The following SPOCK3 variants were observed in gnomAD, a reference collection of about 807,000 sequenced individuals.
SPOCK3 encodes the protein testican-3.
In SPOCK3, 30 loss-of-function variants were observed where a neutral mutation model predicts 56.6. The ratio of observed to expected loss-of-function variants is 0.53; its 90% CI spans 0.40 to 0.72. The LOEUF is 0.72. Ranked by LOEUF, SPOCK3 falls within the 30% of genes least tolerant of loss-of-function variation. The probability of loss-of-function intolerance (pLI) is 0.00; values close to 1 mark genes in which losing one functional copy is unlikely to be tolerated. For synonymous variants in SPOCK3, 196 were observed against 183.3 expected (o/e 1.07, Z -0.56); for missense variants, 527 against 530.0 (o/e 0.99, Z 0.06).
In SPOCK3 at chr4:166,826,152, C is replaced by T. The variant is rs191976608; in HGVS notation, c.590-33863G>A. Among the ~76,000 whole-genome samples the T allele has an allele frequency of 1.1e-4, 16 of 152,108 alleles. No homozygotes were observed. The East Asian group carries it at 3.1e-3, about 30-fold the overall frequency. ...ATATTTCAAATAAACAAAAGCAGAA[C>T]AGAGATTGTAAACATTTTTTAAAAA... On this transcript the variant is annotated intron_variant, in intron 6 of 10. Coordinates refer to ENST00000357545, the MANE Select transcript of SPOCK3 (RefSeq NM_001040159.2).
intron 8 of SPOCK3, among the ~76,000 whole-genome samples, chr4:166,746,659 A>C (rs1399855927): frequency 1.3e-5 from 2 of 152,206 alleles, no homozygotes; most frequent in Non-Finnish European, 2.9e-5. Flanking sequence ...GGAGATAAAG[A>C]CACAAAATCC....
intron 6 of SPOCK3, among the ~76,000 whole-genome samples, chr4:166,853,978 T>TA (rs1468777265): frequency 6.6e-6 from 1 of 152,156 alleles, no homozygotes; most frequent in African/African-American, 2.4e-5. Context: ...CTACAAAATG[T>TA]AAATCAGCCT....
rs183118041 is a variant in SPOCK3 at position 167,049,553 on chromosome 4, T to G, written c.235+12939A>C. Among the ~76,000 whole-genome samples the G allele has an allele frequency of 3.9e-5, 6 of 152,268 alleles. No homozygotes were observed. In the East Asian group the frequency reaches 1.2e-3, roughly 29 times the overall value. ...GAGGAGCAGTGCAAATAGATTTATT[T>G]TGACCTGAGAAAGGACTTTTAAATA... On this transcript the variant is annotated intron_variant, in intron 3 of 10. Coordinates refer to ENST00000357545, the MANE Select transcript of SPOCK3 (RefSeq NM_001040159.2).
At chr4:167,030,083 T>TTCTATCTATCTATTTATCTATCTATCTA (rs367559347) in intron 3 of SPOCK3, among the ~76,000 whole-genome samples, 30 of 141,480 alleles carry the variant, frequency 2.1e-4, no homozygotes, top group African/African-American at 7.7e-4. Flanking sequence ...TAATGGCTCA[T>TTCTATCTATCTATTTATCTATCTATCTA]TCTATCTATC....
At chr4:167,054,911 T>C (rs1754619660) in intron 3 of SPOCK3, among the ~76,000 whole-genome samples, 1 of 152,174 alleles carries the variant, frequency 6.6e-6, no homozygotes. Context: ...TATGTATTGG[T>C]ATGCATATAT....
intron 3 of SPOCK3, among the ~76,000 whole-genome samples, chr4:167,001,800 C>A (rs17052749): frequency 0.028 from 4,283 of 152,052 alleles, 178 homozygotes; most frequent in African/African-American, 0.097. Context: ...TTGGAATATG[C>A]AGAAGTATTT....
intron 7 of SPOCK3, among the ~76,000 whole-genome samples, chr4:166,764,819 G>A (rs200070797): frequency 0.31 from 45,934 of 145,882 alleles, 7,337 homozygotes; most frequent in Admixed American, 0.4. Flanking sequence ...GTGTAAATGT[G>A]TTCCTATTTC....
chr4:166,927,767 C>A (rs1739285574), intron 4 of SPOCK3, among the ~76,000 whole-genome samples: 1 of 151,886 alleles, frequency 6.6e-6, no homozygotes. Context: ...TTGTGAAAGA[C>A]AGCGTCAAGA....
intron 3 of SPOCK3, among the ~76,000 whole-genome samples, chr4:167,040,457 T>C: frequency 6.6e-6 from 1 of 152,212 alleles, no homozygotes; most frequent in East Asian, 1.9e-4. Flanking sequence ...CCCAATCATA[T>C]AAACATGCTG....
intron 7 of SPOCK3, among the ~76,000 whole-genome samples, chr4:166,785,304 T>A (rs2126631924): frequency 6.6e-6 from 1 of 152,226 alleles, no homozygotes; most frequent in East Asian, 1.9e-4. Flanking sequence ...AGGTGTCGAT[T>A]GTTAAAAAAT....
At chr4:166,916,740 C>T (rs1737896280) in intron 4 of SPOCK3, among the ~76,000 whole-genome samples, 1 of 152,172 alleles carries the variant, frequency 6.6e-6, no homozygotes, top group Non-Finnish European at 1.5e-5. Flanking sequence ...AAGCCAGCCA[C>T]CTCCCTCGGT....
At chr4:167,056,246 G>T (rs1257965712) in intron 3 of SPOCK3, among the ~76,000 whole-genome samples, 1 of 152,204 alleles carries the variant, frequency 6.6e-6, no homozygotes, top group Non-Finnish European at 1.5e-5. Context: ...TGAGGGTCCT[G>T]CCTGTTAGAA....
chr4:167,230,989 C>T (rs116104345), intron 2 of SPOCK3, among the ~76,000 whole-genome samples: 117 of 152,158 alleles, frequency 7.7e-4, no homozygotes, highest in Non-Finnish European at 1.4e-3. Flanking sequence ...GCTTTCATTG[C>T]TTCTTTAGCA....
chr4:167,148,125 C>T (rs954024918), intron 2 of SPOCK3, among the ~76,000 whole-genome samples: 1 of 152,120 alleles, frequency 6.6e-6, no homozygotes, highest in African/African-American at 2.4e-5. Context: ...TCATCACTCT[C>T]AACAGTGTTC....
intron 4 of SPOCK3, among the ~76,000 whole-genome samples, chr4:166,959,812 A>G (rs1743937974): frequency 6.6e-6 from 1 of 152,156 alleles, no homozygotes; most frequent in African/African-American, 2.4e-5. Flanking sequence ...TGTGCACCAT[A>G]TATAATATAT....
intron 3 of SPOCK3, among the ~76,000 whole-genome samples, chr4:167,039,227 TAGAA>T (rs1396566219): frequency 1.3e-5 from 2 of 152,220 alleles, no homozygotes; most frequent in Non-Finnish European, 2.9e-5. Flanking sequence ...CTCCTTTTCT[TAGAA>T]AGACGCCCAT....
chr4:166,771,856 A>G (rs1466372731), intron 7 of SPOCK3, among the ~76,000 whole-genome samples: 1 of 152,066 alleles, frequency 6.6e-6, no homozygotes, highest in African/African-American at 2.4e-5. Flanking sequence ...AAAATTATTT[A>G]TATTAGCTGT....
chr4:167,172,947 G>A (rs141042088), intron 2 of SPOCK3, among the ~76,000 whole-genome samples: 1,862 of 152,160 alleles, frequency 0.012, 13 homozygotes, highest in Non-Finnish European at 0.02. Context: ...ATTGATCACA[G>A]AAATAAATCC....
chr4:166,931,077 G>T (rs1739693855), intron 4 of SPOCK3, among the ~76,000 whole-genome samples: 1 of 152,126 alleles, frequency 6.6e-6, no homozygotes, highest in South Asian at 2.1e-4. Context: ...CACTTACCAG[G>T]TTCAAGCAAT....
Sources: gnomAD v4.1 joint callset for allele counts (sites outside exome capture counted in the v4.1 genomes callset) on GRCh38, gnomAD v4.1.1 for gene constraint, MANE v1.5 for transcripts, NCBI Gene and HGNC (gene_info 2026-07-23, HGNC 2026-07-21) for gene names.